ARHGAP39: variants seen among roughly 807,000 people sequenced by gnomAD.
ARHGAP39 encodes Rho GTPase activating protein 39, also known as rho GTPase-activating protein 39.
ARHGAP39 carries 44 observed loss-of-function variants against 106.9 expected under a neutral mutation model. The observed-to-expected ratio is 0.41, with a 90% CI of 0.32 to 0.53. The LOEUF is 0.53. ARHGAP39 is among the 20% of genes least tolerant of loss of function. ARHGAP39 has a pLI of 0.21. For synonymous variants in ARHGAP39, 768 were observed against 693.2 expected (o/e 1.11, Z -1.69); for missense variants, 1,496 against 1,577.3 (o/e 0.95, Z 0.87).
rs1819184245 is a variant in ARHGAP39, at chr8:144,586,313, A to G, written c.81-5036T>C. The stretch of plus-strand genomic sequence containing the variant: ...TGATTCTCAGCCAGCAGTGGCCACA[A>G]CAGGACTTCCTTCCATGACGTTTCT... On this transcript the variant is annotated intron_variant, in intron 2 of 11. Coordinates refer to ENST00000377307, the MANE Select transcript of ARHGAP39 (RefSeq NM_025251.3). This position sits in a 1 kb window ranked among gnomAD's most constrained non-coding sequence, Gnocchi z 4.2. 2 of 152,306 alleles carry G rather than the reference A, an allele frequency of 1.3e-5. No homozygotes were observed. Among genetic ancestry groups the G allele is most frequent in the African/African-American group, 4.8e-5 (2 of 41,464 alleles). The allele number at this position is 152,306 out of a possible 1,614,324, so 9.4% of individuals were successfully genotyped here.
intron 1 of ARHGAP39, among the ~76,000 whole-genome samples, chr8:144,639,610 A>G (rs1272645073): frequency 1.3e-5 from 2 of 151,984 alleles, no homozygotes; most frequent in African/African-American, 4.8e-5. Context: ...TAAATTTTGT[A>G]TTTACATCAA....
intron 3 of ARHGAP39, among the ~76,000 whole-genome samples, chr8:144,574,802 G>A (rs1312348395): frequency 1.3e-5 from 2 of 152,254 alleles, no homozygotes; most frequent in Admixed American, 6.5e-5. Flanking sequence ...GCTGCAGTGA[G>A]CCATGATTAT....
At chr8:144,636,143 G>A (rs1208878900) in intron 1 of ARHGAP39, among the ~76,000 whole-genome samples, 8 of 152,188 alleles carry the variant, frequency 5.3e-5, no homozygotes, top group Non-Finnish European at 1.2e-4. Flanking sequence ...AAGACAGTGT[G>A]GGGACCGACT....
At chr8:144,614,510 G>A (rs954310981) in intron 1 of ARHGAP39, among the ~76,000 whole-genome samples, 2 of 152,102 alleles carry the variant, frequency 1.3e-5, no homozygotes, top group East Asian at 1.9e-4. Flanking sequence ...ATGCCACCAC[G>A]CCCAGCTAAT....
intron 1 of ARHGAP39, among the ~76,000 whole-genome samples, chr8:144,676,869 C>G (rs991545514): frequency 6.6e-6 from 1 of 152,264 alleles, no homozygotes; most frequent in African/African-American, 2.4e-5. Context: ...GAGCGGACGC[C>G]GAGGAGGCGC....
intron 1 of ARHGAP39, among the ~76,000 whole-genome samples, chr8:144,628,969 T>C (rs1211688730): frequency 6.6e-6 from 1 of 152,208 alleles, no homozygotes; most frequent in Non-Finnish European, 1.5e-5. Flanking sequence ...ATTCTTGTGA[T>C]GGCGGATGCA....
intron 7 of ARHGAP39, among the ~76,000 whole-genome samples, chr8:144,537,330 A>G (rs1816997860): frequency 6.6e-6 from 1 of 151,622 alleles, no homozygotes. Flanking sequence ...CCTGGGCGGG[A>G]AGACAGGACT....
intron 9 of ARHGAP39, 134 bp downstream of exon 9, chr8:144,532,992 C>T: frequency 9.0e-7 from 1 of 1,112,040 alleles, no homozygotes; most frequent in South Asian, 1.5e-5. Flanking sequence ...TGGCCCCACC[C>T]TTCCATCTGC....
At chr8:144,598,910 T>C (rs915296727) in intron 2 of ARHGAP39, among the ~76,000 whole-genome samples, 2 of 152,132 alleles carry the variant, frequency 1.3e-5, no homozygotes. Context: ...AATTTGAGCA[T>C]GAAAAGATAA....
intron 7 of ARHGAP39, among the ~76,000 whole-genome samples, chr8:144,537,020 G>A (rs537771758): frequency 3.3e-5 from 5 of 152,234 alleles, no homozygotes; most frequent in East Asian, 1.9e-4. Flanking sequence ...GGGGTCGGGA[G>A]GACGGCCCTG....
chr8:144,635,730 G>T (rs1821157304), intron 1 of ARHGAP39, among the ~76,000 whole-genome samples: 2 of 152,106 alleles, frequency 1.3e-5, no homozygotes, highest in Non-Finnish European at 2.9e-5. Context: ...CTGAATTAGA[G>T]GGGGGCTGAG....
intron 2 of ARHGAP39, among the ~76,000 whole-genome samples, chr8:144,598,031 GC>G (rs1454361626): frequency 6.6e-6 from 1 of 152,234 alleles, no homozygotes; most frequent in East Asian, 1.9e-4. Flanking sequence ...CAGGTAGGAA[GC>G]CACGCAGACC....
At chr8:144,616,640 G>T (rs577992795) in intron 1 of ARHGAP39, among the ~76,000 whole-genome samples, 3 of 152,228 alleles carry the variant, frequency 2.0e-5, no homozygotes, top group Non-Finnish European at 4.4e-5. Flanking sequence ...GCAGCCAGGA[G>T]GTGGGGAGGG....
intron 3 of ARHGAP39, among the ~76,000 whole-genome samples, chr8:144,573,295 T>C (rs936041185): frequency 3.9e-5 from 6 of 152,234 alleles, no homozygotes; most frequent in East Asian, 1.9e-4. Context: ...GATGAGTTCA[T>C]GTCCTTTGCA....
chr8:144,698,666 C>T, the ARHGAP39 span: 1 of 307,990 alleles, frequency 3.2e-6, no homozygotes, highest in Non-Finnish European at 6.5e-6. Context: ...TAGTATTTTG[C>T]TAGGAACCTA....
intron 1 of ARHGAP39, among the ~76,000 whole-genome samples, chr8:144,624,404 T>G (rs1033697653): frequency 1.3e-5 from 2 of 152,212 alleles, no homozygotes; most frequent in African/African-American, 4.8e-5. Context: ...GGCCTGAGAA[T>G]GAACTAGAAC....
At chr8:144,534,258 G>C (rs1373336439) in intron 7 of ARHGAP39, 56 bp from the exon 8 acceptor site, 2 of 1,594,778 alleles carry the variant, frequency 1.3e-6, no homozygotes, top group Admixed American at 1.7e-5. Flanking sequence ...GTGGGGCCAG[G>C]AGAGGGGTGA....
rs11987386 is a variant in ARHGAP39, at chr8:144,608,181, A to T, written c.-81-2486T>A. ...CAAAAAAAAAAAAAAAAAAAAAAAA[A>T]GGAAAAAGAAGAAGAAATGAAACTC... is the stretch of plus-strand genomic sequence containing the variant. On this transcript the variant is annotated intron_variant, in intron 1 of 11. Transcript: ENST00000377307. Among the ~76,000 whole-genome samples, 688 of 146,322 alleles carry T rather than the reference A, an allele frequency of 4.7e-3. 6 individuals are homozygous for T. Among genetic ancestry groups the T allele is most frequent in the African/African-American group, 0.016 (636 of 39,154 alleles).
chr8:144,698,823 TGAGGACACAG>T, the ARHGAP39 span: 11 of 455,682 alleles, frequency 2.4e-5, no homozygotes, highest in Non-Finnish European at 4.8e-5. Context: ...GGGAGTGGAA[TGAGGACACAG>T]CTTCACCTCT....
Sources: allele counts gnomAD v4.1 joint callset (sites outside exome capture counted in the v4.1 genomes callset), GRCh38; gene constraint gnomAD v4.1.1; non-coding constraint Gnocchi (gnomAD v3.1); transcripts MANE v1.5; gene names NCBI Gene and HGNC (gene_info 2026-07-23, HGNC 2026-07-21).